The following OXCT1 variants were observed in gnomAD, a reference collection of about 807,000 sequenced individuals.
The protein encoded by OXCT1 is succinyl-CoA:3-ketoacid coenzyme A transferase 1, mitochondrial.
A neutral mutation model predicts 69.6 loss-of-function variants in OXCT1; 27 were observed. The observed-to-expected ratio is 0.39, with a 90% confidence interval of 0.29 to 0.54. OXCT1 has a LOEUF of 0.54. OXCT1 is among the 20% of genes least tolerant of loss of function. The pLI is 0.72. For synonymous variants in OXCT1, 202 were observed against 217.8 expected, an observed-to-expected ratio of 0.93 and a Z score of 0.64; for missense variants, 437 against 650.2, an observed-to-expected ratio of 0.67 and a Z score of 3.57.
At chr5:41,841,270 T>G (rs985394546) in intron 6 of OXCT1, among the ~76,000 whole-genome samples, 1 of 152,212 alleles carries the variant, frequency 6.6e-6, no homozygotes, top group African/African-American at 2.4e-5. Flanking sequence ...TTACTAGCTC[T>G]TTTGAGCCAC....
intron 7 of OXCT1, among the ~76,000 whole-genome samples, chr5:41,817,328 T>C (rs1311941281): frequency 6.6e-6 from 1 of 152,188 alleles, no homozygotes; most frequent in Admixed American, 6.5e-5. Context: ...TAATACTATG[T>C]TCTTACATGA....
intron 16 of OXCT1, among the ~76,000 whole-genome samples, chr5:41,733,573 A>T (rs542549709): frequency 6.6e-6 from 1 of 152,178 alleles, no homozygotes; most frequent in Non-Finnish European, 1.5e-5. Context: ...TTTTACTACA[A>T]ATCATTTTCT....
At chr5:41,754,659 G>A (rs1430088722) in intron 14 of OXCT1, among the ~76,000 whole-genome samples, 1 of 152,094 alleles carries the variant, frequency 6.6e-6, no homozygotes, top group Non-Finnish European at 1.5e-5. Context: ...TACTCACACT[G>A]CATTTGTCCT....
intron 13 of OXCT1, among the ~76,000 whole-genome samples, chr5:41,766,625 G>A (rs368547818): frequency 6.8e-4 from 102 of 149,376 alleles, no homozygotes; most frequent in Non-Finnish European, 1.3e-3. Context: ...CATGATCTTT[G>A]GTGATATTTT....
At chr5:41,818,669 C>T (rs1043959306) in intron 7 of OXCT1, among the ~76,000 whole-genome samples, 1 of 152,080 alleles carries the variant, frequency 6.6e-6, no homozygotes, top group Non-Finnish European at 1.5e-5. Context: ...CCTGGATTTT[C>T]AAGGGGCCTA....
chr5:41,821,050 T>C (rs1280863084), intron 7 of OXCT1, among the ~76,000 whole-genome samples: 1 of 152,208 alleles, frequency 6.6e-6, no homozygotes, highest in Non-Finnish European at 1.5e-5. Flanking sequence ...GTGTCTTATG[T>C]AGCAAATCCT....
At chr5:41,854,868 G>A (rs1420256840) in intron 3 of OXCT1, among the ~76,000 whole-genome samples, 2 of 152,154 alleles carry the variant, frequency 1.3e-5, no homozygotes, top group Non-Finnish European at 2.9e-5. Context: ...TGGAAAAACT[G>A]TTAGTACCTA....
At chr5:41,862,529 T>C (rs541281994) in intron 2 of OXCT1, 113 bp downstream of exon 2, 1 of 669,898 alleles carries the variant, frequency 1.5e-6, no homozygotes, top group Non-Finnish European at 2.7e-6. Context: ...GTACAATAAA[T>C]AATGCATAAT....
Position 41,850,314 on chromosome 5 carries a change from T to G in OXCT1, c.415-135A>C, listed in dbSNP as rs1051626490. 1.1e-5 allele frequency: 10 copies of G among 922,744 alleles called. 1 individual carries two copies. Among genetic ancestry groups the G allele is most frequent in the Non-Finnish European group, 1.7e-5 (10 of 590,638 alleles). The allele number at this position is 922,744 out of a possible 1,614,324, so 57.2% of individuals were successfully genotyped here. ...TAGCTAGCATTGTACATTAGCATACTTCACTAATATTGTATGCTAGAAGAT... is the reference window on the plus strand; with the variant it reads ...TAGCTAGCATTGTACATTAGCATACGTCACTAATATTGTATGCTAGAAGAT... On this transcript the variant is annotated intron_variant, in intron 4 of 16. Transcript: ENST00000196371.
At chr5:41,776,043 T>A (rs547303580) in intron 13 of OXCT1, among the ~76,000 whole-genome samples, 2 of 152,216 alleles carry the variant, frequency 1.3e-5, no homozygotes, top group African/African-American at 4.8e-5. Flanking sequence ...CTTCACCAAG[T>A]GATAAAGATT....
intron 2 of OXCT1, among the ~76,000 whole-genome samples, chr5:41,862,078 G>A (rs893627687): frequency 1.6e-4 from 25 of 152,174 alleles, no homozygotes; most frequent in Non-Finnish European, 5.9e-5. Context: ...AGGAGTGATG[G>A]TGGGTGCCTG....
At chr5:41,745,774 C>G (rs948587144) in intron 15 of OXCT1, among the ~76,000 whole-genome samples, 17 of 152,174 alleles carry the variant, frequency 1.1e-4, no homozygotes, top group African/African-American at 3.9e-4. Context: ...ATAAACACCT[C>G]TACGCAAATA....
At chr5:41,785,163 G>A (rs550655168) in intron 13 of OXCT1, among the ~76,000 whole-genome samples, 2 of 152,260 alleles carry the variant, frequency 1.3e-5, no homozygotes, top group South Asian at 4.1e-4. Context: ...CTGTATAAGA[G>A]GAAATAATAT....
At chr5:41,795,916 A>T (rs1173510335) in intron 11 of OXCT1, among the ~76,000 whole-genome samples, 4 of 152,146 alleles carry the variant, frequency 2.6e-5, no homozygotes, top group Admixed American at 6.5e-5. Flanking sequence ...ACATATAGAA[A>T]AAAAGGACCC....
At chr5:41,779,742 G>T (rs754431211) in intron 13 of OXCT1, among the ~76,000 whole-genome samples, 1 of 150,680 alleles carries the variant, frequency 6.6e-6, no homozygotes, top group East Asian at 2.0e-4. Flanking sequence ...TGGCCACCAA[G>T]AAAACCCAAT....
chr5:41,849,673 A>G (rs1353843075), intron 5 of OXCT1, among the ~76,000 whole-genome samples: 2 of 152,314 alleles, frequency 1.3e-5, no homozygotes, highest in Middle Eastern at 3.4e-3. Context: ...CTGAGCATAA[A>G]GAGTTTGCTA....
intron 13 of OXCT1, among the ~76,000 whole-genome samples, chr5:41,773,863 G>C (rs1744999356): frequency 6.6e-6 from 1 of 152,036 alleles, no homozygotes; most frequent in African/African-American, 2.4e-5. Context: ...TTAAATGTGT[G>C]AAAAAACAGT....
At chr5:41,756,674 CCT>C (rs933393312) in intron 14 of OXCT1, among the ~76,000 whole-genome samples, 3 of 152,002 alleles carry the variant, frequency 2.0e-5, no homozygotes, top group Non-Finnish European at 2.9e-5. Flanking sequence ...TAACAGAGCC[CCT>C]GTCTTCATGG....
chr5:41,811,203 A>AT (rs1746968645), intron 7 of OXCT1, among the ~76,000 whole-genome samples: 1 of 152,010 alleles, frequency 6.6e-6, no homozygotes, highest in Admixed American at 6.6e-5. Flanking sequence ...AAAATGAGTA[A>AT]AATGAAGAGG....
Sources: gnomAD v4.1 joint callset for allele counts (sites outside exome capture counted in the v4.1 genomes callset) on GRCh38, gnomAD v4.1.1 for gene constraint, MANE v1.5 for transcripts, NCBI Gene and HGNC (gene_info 2026-07-23, HGNC 2026-07-21) for gene names.